The following ROBO1 variants were observed in gnomAD, a reference collection of about 807,000 sequenced individuals.
ROBO1 encodes roundabout guidance receptor 1, also known as roundabout homolog 1.
Under a neutral mutation model 195.9 loss-of-function variants are expected in ROBO1, and 149 were observed. That is an observed-to-expected ratio of 0.76 (90% CI 0.67 to 0.87). The LOEUF (loss-of-function observed/expected upper bound fraction) is 0.87, where lower values mean the gene tolerates loss of function less well. Ranked by LOEUF, ROBO1 falls within the 40% of genes least tolerant of loss-of-function variation. The pLI, the probability that ROBO1 is intolerant of heterozygous loss-of-function variation, is 0.00. For missense variants in ROBO1, 1,933 were observed against 2,068.3 expected (o/e 0.93, Z 1.27); for synonymous variants, 816 against 733.2 (o/e 1.11, Z -1.82).
chr3:78,956,312 C>A (rs969942481), intron 3 of ROBO1, among the ~76,000 whole-genome samples: 4 of 151,872 alleles, frequency 2.6e-5, no homozygotes, highest in Non-Finnish European at 2.9e-5. Flanking sequence ...TTAGAATACC[C>A]CAAATTTTCC....
intron 4 of ROBO1, among the ~76,000 whole-genome samples, chr3:78,769,061 C>T (rs1311844000): frequency 6.6e-6 from 1 of 152,050 alleles, no homozygotes; most frequent in African/African-American, 2.4e-5. Flanking sequence ...ATGTTCTGTA[C>T]ATATCTGTCA....
intron 2 of ROBO1, among the ~76,000 whole-genome samples, chr3:79,219,741 C>T (rs114062083): frequency 0.021 from 3,231 of 152,096 alleles, 61 homozygotes; most frequent in Middle Eastern, 0.024. Context: ...ACTGGTTTGA[C>T]GGCCACTGTC....
intron 1 of ROBO1, among the ~76,000 whole-genome samples, chr3:79,634,536 T>C (rs1341087954): frequency 6.6e-6 from 1 of 152,232 alleles, no homozygotes; most frequent in Non-Finnish European, 1.5e-5. Flanking sequence ...GAAGAAAGGA[T>C]TGCTAAAGAA....
rs1942877274 is a variant in ROBO1 at position 79,560,544 on chromosome 3, T to C, written c.88+29280A>G. Among the ~76,000 whole-genome samples, 3 of 112,514 alleles carry C rather than the reference T, an allele frequency of 2.7e-5. No individual in the cohort carries two copies. The South Asian group carries it at 7.8e-4, about 29-fold the overall frequency. The allele number at this position is 112,514 out of a possible 152,430, so 73.8% of individuals were successfully genotyped here. On this transcript the variant is annotated intron_variant, in intron 2 of 30. Transcript: ENST00000464233. ...AGTATAATAATAATAATTATATATA[T>C]ATATATATATATATACACATACACA...
At chr3:79,492,580 ATAAATAAATGTAT>A (rs1939524251) in intron 2 of ROBO1, among the ~76,000 whole-genome samples, 1 of 152,070 alleles carries the variant, frequency 6.6e-6, no homozygotes, top group Non-Finnish European at 1.5e-5. Flanking sequence ...ACACACATAT[ATAAATAAATGTAT>A]TATGGGAATA....
intron 2 of ROBO1, among the ~76,000 whole-genome samples, chr3:79,444,081 T>C (rs1304551068): frequency 1.3e-5 from 2 of 152,108 alleles, no homozygotes; most frequent in Non-Finnish European, 2.9e-5. Context: ...AATATCTTTA[T>C]CACCTTGGAA....
At chr3:79,355,389 T>C (rs144260790) in intron 2 of ROBO1, among the ~76,000 whole-genome samples, 1 of 152,288 alleles carries the variant, frequency 6.6e-6, no homozygotes, top group East Asian at 1.9e-4. Context: ...CCCATCACCC[T>C]AAACATGTGT....
intron 4 of ROBO1, among the ~76,000 whole-genome samples, chr3:78,855,851 C>G (rs2034382227): frequency 6.6e-6 from 1 of 151,742 alleles, no homozygotes; most frequent in Admixed American, 6.6e-5. Flanking sequence ...CTCACTCAGT[C>G]AACATAAAAT....
intron 2 of ROBO1, among the ~76,000 whole-genome samples, chr3:79,157,440 G>A (rs2080878668): frequency 6.6e-6 from 1 of 151,868 alleles, no homozygotes; most frequent in African/African-American, 2.4e-5. Context: ...CCTCAGCTCA[G>A]GCCAGAGAGC....
intron 2 of ROBO1, among the ~76,000 whole-genome samples, chr3:79,188,737 T>A (rs1340512621): frequency 6.6e-6 from 1 of 151,790 alleles, no homozygotes; most frequent in Admixed American, 6.6e-5. Flanking sequence ...AGAGCAGAGA[T>A]CTTGTCTGCC....
chr3:78,924,631 A>G (rs2039112808), intron 4 of ROBO1, among the ~76,000 whole-genome samples: 1 of 152,102 alleles, frequency 6.6e-6, no homozygotes, highest in Non-Finnish European at 1.5e-5. Flanking sequence ...TCTGTGTTCA[A>G]TAAAATCCCT....
At chr3:79,361,961 A>G (rs1200525868) in intron 2 of ROBO1, among the ~76,000 whole-genome samples, 1 of 152,136 alleles carries the variant, frequency 6.6e-6, no homozygotes, top group Non-Finnish European at 1.5e-5. Flanking sequence ...GCTTAGTGCC[A>G]TCTAGTGGCA....
At chr3:78,768,855 T>C (rs944942955) in intron 4 of ROBO1, among the ~76,000 whole-genome samples, 4 of 124,938 alleles carry the variant, frequency 3.2e-5, no homozygotes, top group African/African-American at 1.2e-4. Context: ...TTCCCCTTCC[T>C]GTGTCCATGT....
chr3:79,722,865 G>T (rs550386250), intron 1 of ROBO1, among the ~76,000 whole-genome samples: 1 of 152,202 alleles, frequency 6.6e-6, no homozygotes, highest in African/African-American at 2.4e-5. Flanking sequence ...AGATCACCAT[G>T]GATGCCAGGC....
intron 4 of ROBO1, among the ~76,000 whole-genome samples, chr3:78,916,632 A>G (rs1484410993): frequency 6.6e-6 from 1 of 151,966 alleles, no homozygotes; most frequent in Non-Finnish European, 1.5e-5. Context: ...TTTTATCAAT[A>G]TTTCTTACCT....
rs895680073 is a variant in ROBO1 at position 78,834,884 on chromosome 3, A to G, written c.500-87984T>C. On this transcript the variant is annotated intron_variant, in intron 4 of 30. Coordinates refer to ENST00000464233, the MANE Select transcript of ROBO1 (RefSeq NM_002941.4). ...GTTGGTACAGAAATTTCTTTCTTCC[A>G]TACTGATTATAGACATAAGTATTTT... 3.9e-5 allele frequency among the ~76,000 whole-genome samples: 6 copies of G among 152,234 alleles called. No individual in the cohort carries two copies. In the East Asian group the frequency reaches 1.2e-3, roughly 29 times the overall value.
At chr3:79,300,312 A>C (rs1010020708) in intron 2 of ROBO1, among the ~76,000 whole-genome samples, 1 of 152,240 alleles carries the variant, frequency 6.6e-6, no homozygotes, top group East Asian at 1.9e-4. Context: ...CTGCACTTGG[A>C]GCAGCCCGCC....
intron 2 of ROBO1, among the ~76,000 whole-genome samples, chr3:79,523,947 T>C (rs898152653): frequency 6.6e-6 from 1 of 152,160 alleles, no homozygotes; most frequent in Non-Finnish European, 1.5e-5. Context: ...TATTTATGGA[T>C]ATGTGGTGTG....
chr3:78,835,571 C>T (rs1428227334), intron 4 of ROBO1, among the ~76,000 whole-genome samples: 1 of 152,116 alleles, frequency 6.6e-6, no homozygotes, highest in Non-Finnish European at 1.5e-5. Context: ...GATTGCATTA[C>T]AAAATAGTAA....
Sources: allele counts gnomAD v4.1 joint callset (sites outside exome capture counted in the v4.1 genomes callset), GRCh38; gene constraint gnomAD v4.1.1; transcripts MANE v1.5; gene names NCBI Gene and HGNC (gene_info 2026-07-23, HGNC 2026-07-21).